Variants in IL1RAPL2 observed in about 807,000 individuals in gnomAD.
IL1RAPL2 encodes X-linked interleukin-1 receptor accessory protein-like 2.
IL1RAPL2 carries 3 observed loss-of-function variants against 44.1 expected under a neutral mutation model. That is an observed-to-expected ratio of 0.07 (90% CI 0.03 to 0.18). IL1RAPL2 has a LOEUF of 0.18. Among genes scored for constraint, IL1RAPL2 ranks in the 10% least tolerant of loss-of-function variants. The probability of loss-of-function intolerance (pLI) is 1.00; values close to 1 mark genes in which losing one functional copy is unlikely to be tolerated. For synonymous variants in IL1RAPL2, 181 were observed against 178.8 expected (o/e 1.01, Z -0.10); for missense variants, 391 against 496.4 (o/e 0.79, Z 2.02).
chrX:105,216,780 G>A (rs2033862261), intron 3 of IL1RAPL2, among the ~76,000 whole-genome samples: 1 of 111,334 alleles, frequency 9.0e-6, no homozygotes, highest in South Asian at 3.8e-4. Context: ...ATGGAACAGA[G>A]ACCTCAGAAA....
In IL1RAPL2 at chrX:105,555,620, A is replaced by G. The variant is rs181212207; in HGVS notation, c.772+71233A>G. Among the ~76,000 whole-genome samples the G allele has an allele frequency of 6.2e-5, 7 of 112,147 alleles. No individual in the cohort carries two copies. The East Asian group carries it at 2.0e-3, about 32-fold the overall frequency. On this transcript the variant is annotated intron_variant, in intron 6 of 10. Coordinates refer to ENST00000372582, the MANE Select transcript of IL1RAPL2 (RefSeq NM_017416.2). ...CTTAGCAGTCTCATTTTGATCAAAG[A>G]GAATTCCAGACAATAATTGTTCCTT...
At chrX:105,567,959 G>A (rs933520785) in intron 6 of IL1RAPL2, among the ~76,000 whole-genome samples, 14 of 110,969 alleles carry the variant, frequency 1.3e-4, no homozygotes, top group Non-Finnish European at 1.9e-5. Flanking sequence ...TTCTCTTTTA[G>A]TGCTTTCACT....
chrX:104,681,125 G>A (rs1454995160), intron 2 of IL1RAPL2, among the ~76,000 whole-genome samples: 2 of 111,836 alleles, frequency 1.8e-5, no homozygotes, highest in Non-Finnish European at 3.8e-5. Flanking sequence ...TCATATGAAA[G>A]CTTTTAAATT....
chrX:105,506,631 G>C (rs1881767225), intron 6 of IL1RAPL2, among the ~76,000 whole-genome samples: 1 of 111,525 alleles, frequency 9.0e-6, no homozygotes, highest in African/African-American at 3.3e-5. Flanking sequence ...AAGTGAAATT[G>C]GTTCCACCTC....
At position 105,183,129 on chromosome X, in the gene IL1RAPL2, C is replaced by A. The variant is rs145787095; in HGVS notation, c.83-12346C>A. 5.9e-4 allele frequency among the ~76,000 whole-genome samples: 66 copies of A among 111,184 alleles called. 1 individual carries two copies. The East Asian group carries it at 0.019, about 31-fold the overall frequency. On this transcript the variant is annotated intron_variant, in intron 2 of 10. Transcript: ENST00000372582. Reference sequence around the variant, plus strand: ...GGTCCCCCAGTGGTGCACATGGGCACAGATTGTGATAGGCAGGGCAGGATG... The same window carrying A: ...GGTCCCCCAGTGGTGCACATGGGCAAAGATTGTGATAGGCAGGGCAGGATG...
intron 2 of IL1RAPL2, among the ~76,000 whole-genome samples, chrX:105,123,053 A>G (rs1221823521): frequency 1.8e-5 from 2 of 111,737 alleles, no homozygotes; most frequent in Non-Finnish European, 3.8e-5. Flanking sequence ...CAATGAAATA[A>G]TGTTTGAAAA....
chrX:105,221,928 A>T (rs1302190126), intron 3 of IL1RAPL2, among the ~76,000 whole-genome samples: 1 of 111,882 alleles, frequency 8.9e-6, no homozygotes, highest in Non-Finnish European at 1.9e-5. Flanking sequence ...GAAACTTCTA[A>T]GACATCCATG....
intron 2 of IL1RAPL2, among the ~76,000 whole-genome samples, chrX:104,682,137 A>G (rs1217987851): frequency 8.9e-6 from 1 of 112,382 alleles, no homozygotes; most frequent in African/African-American, 3.2e-5. Context: ...ATAGCCAACA[A>G]CAACAAAATA....
intron 2 of IL1RAPL2, among the ~76,000 whole-genome samples, chrX:105,135,654 A>C (rs2033070301): frequency 1.8e-5 from 2 of 111,875 alleles, no homozygotes; most frequent in Non-Finnish European, 3.8e-5. Flanking sequence ...ATGGGCACAT[A>C]AATGCTCAAA....
At chrX:104,931,064 C>G (rs1026160557) in intron 2 of IL1RAPL2, among the ~76,000 whole-genome samples, 4 of 110,815 alleles carry the variant, frequency 3.6e-5, no homozygotes, top group African/African-American at 1.3e-4. Flanking sequence ...CTTGCAGGAC[C>G]TATTAGCTGG....
At chrX:105,210,252 C>A (rs2033797538) in intron 3 of IL1RAPL2, among the ~76,000 whole-genome samples, 1 of 111,745 alleles carries the variant, frequency 8.9e-6, no homozygotes, top group Admixed American at 9.5e-5. Flanking sequence ...AAATTAACTT[C>A]TTTATATTGT....
intron 1 of IL1RAPL2, among the ~76,000 whole-genome samples, chrX:104,651,245 G>C (rs1930147705): frequency 8.9e-6 from 1 of 111,937 alleles, no homozygotes; most frequent in Non-Finnish European, 1.9e-5. Flanking sequence ...AAATTGTACA[G>C]TTCCAATGAT....
chrX:105,746,261 T>C (rs1432753923), intron 8 of IL1RAPL2, among the ~76,000 whole-genome samples: 5 of 112,319 alleles, frequency 4.5e-5, no homozygotes. Context: ...CACATGTACT[T>C]TGGGTGCCTA....
At chrX:105,696,671 A>G (rs937357326) in intron 6 of IL1RAPL2, among the ~76,000 whole-genome samples, 1 of 111,417 alleles carries the variant, frequency 9.0e-6, no homozygotes, top group Non-Finnish European at 1.9e-5. Context: ...GGCAGGGAGA[A>G]GACTGTGACT....
intron 2 of IL1RAPL2, among the ~76,000 whole-genome samples, chrX:104,907,143 G>C (rs1474538610): frequency 9.0e-6 from 1 of 111,056 alleles, no homozygotes; most frequent in Non-Finnish European, 1.9e-5. Flanking sequence ...GGGATCAGTG[G>C]TGATATCCCC....
At chrX:104,920,238 A>G (rs7886453) in intron 2 of IL1RAPL2, among the ~76,000 whole-genome samples, 3 of 111,550 alleles carry the variant, frequency 2.7e-5, no homozygotes, top group African/African-American at 6.5e-5. Flanking sequence ...ATACTTTCCT[A>G]TTAACACTTT....
intron 6 of IL1RAPL2, among the ~76,000 whole-genome samples, chrX:105,521,087 A>G: frequency 9.7e-6 from 1 of 103,037 alleles, no homozygotes; most frequent in Non-Finnish European, 2.0e-5. Context: ...GGCGCCTGCC[A>G]CCAAGCCCGG....
chrX:104,647,860 G>A, intron 1 of IL1RAPL2: 1 of 609,035 alleles, frequency 1.6e-6, no homozygotes, highest in Non-Finnish European at 2.8e-6. Flanking sequence ...CTACCACAAT[G>A]TCCTGTACTC....
chrX:105,342,586 A>T (rs748316379), intron 5 of IL1RAPL2, among the ~76,000 whole-genome samples: 4 of 111,774 alleles, frequency 3.6e-5, no homozygotes, highest in African/African-American at 1.3e-4. Flanking sequence ...GCAGTGTAGG[A>T]TTGAAGGGAA....
Sources: gnomAD v4.1 joint callset for allele counts (sites outside exome capture counted in the v4.1 genomes callset) on GRCh38, gnomAD v4.1.1 for gene constraint, MANE v1.5 for transcripts, NCBI Gene and HGNC (gene_info 2026-07-23, HGNC 2026-07-21) for gene names.